TCF4: variants seen among roughly 807,000 people sequenced by gnomAD.
TCF4 encodes the protein transcription factor 4, also known as SL3-3 enhancer factor 2.
Under a neutral mutation model 82.1 loss-of-function variants are expected in TCF4, and 3 were observed. The ratio of observed to expected loss-of-function variants is 0.04; its 90% CI spans 0.02 to 0.09. TCF4 has a LOEUF of 0.09. Among genes scored for constraint, TCF4 ranks in the 10% least tolerant of loss-of-function variants. The probability of loss-of-function intolerance (pLI) is 1.00; values close to 1 mark genes in which losing one functional copy is unlikely to be tolerated. For missense variants in TCF4, 518 were observed against 852.7 expected, an observed-to-expected ratio of 0.61 and a Z score of 4.89; for synonymous variants, 276 against 309.6, an observed-to-expected ratio of 0.89 and a Z score of 1.14.
In TCF4 at chr18:55,222,988, C is replaced by T. The variant is rs1318935238; in HGVS notation, c.*5047G>A. On this transcript the variant is annotated 3_prime_UTR_variant, in exon 20 of 20. Coordinates refer to ENST00000354452, the MANE Select transcript of TCF4 (RefSeq NM_001083962.2). ...ATTAACTGTAGTTAACAATATTCAG[C>T]TTTTAACAAAGTGATACAAAATAAA... The T allele has an allele frequency of 6.6e-6, 1 of 152,526 alleles. No individual in the cohort carries two copies. The highest frequency in any genetic ancestry group is 1.5e-5 in the Non-Finnish European group (1 of 68,030). The allele number at this position is 152,526 out of a possible 1,614,324, so 9.4% of individuals were successfully genotyped here. A position where few individuals can be genotyped will look rare whatever the true frequency, so the allele number is the denominator to read the frequency against.
At chr18:55,601,617 C>G (rs1413801469) in intron 2 of TCF4, among the ~76,000 whole-genome samples, 3 of 152,044 alleles carry the variant, frequency 2.0e-5, no homozygotes, top group Non-Finnish European at 4.4e-5. Flanking sequence ...AACCCTGTCT[C>G]TACTGAAAAT....
At chr18:55,469,368 G>A (rs1165470755) in intron 3 of TCF4, among the ~76,000 whole-genome samples, 1 of 152,124 alleles carries the variant, frequency 6.6e-6, no homozygotes, top group East Asian at 1.9e-4. Flanking sequence ...GGAGGCTGAG[G>A]CAGGAGAACT....
chr18:55,459,968 A>C (rs921859689), intron 5 of TCF4, among the ~76,000 whole-genome samples: 2 of 152,180 alleles, frequency 1.3e-5, no homozygotes, highest in Non-Finnish European at 2.9e-5. Flanking sequence ...AAATATCTGA[A>C]ATCCATTTAG....
intron 6 of TCF4, among the ~76,000 whole-genome samples, chr18:55,392,856 T>G (rs1569338170): frequency 6.6e-6 from 1 of 152,222 alleles, no homozygotes; most frequent in Non-Finnish European, 1.5e-5. Context: ...CTTTTTGGAT[T>G]TTTTCTATGA....
At chr18:55,476,600 T>G (rs1200684372) in intron 3 of TCF4, among the ~76,000 whole-genome samples, 1 of 151,718 alleles carries the variant, frequency 6.6e-6, no homozygotes, top group African/African-American at 2.4e-5. Flanking sequence ...CTCACCCTCC[T>G]GAGTAGCTGG....
At chr18:55,543,907 T>C (rs777949750) in intron 3 of TCF4, among the ~76,000 whole-genome samples, 3 of 152,288 alleles carry the variant, frequency 2.0e-5, no homozygotes. Context: ...ATTTGGATTA[T>C]GTATGGAAGA....
rs1267086312 is a variant in TCF4 at position 55,257,254 on chromosome 18, C to T, written c.1146+61G>A. On this transcript the variant is annotated intron_variant, in intron 14 of 19. Coordinates refer to ENST00000354452, the MANE Select transcript of TCF4 (RefSeq NM_001083962.2). Reference sequence around the variant, plus strand: ...TCAAAATCTTGGAGAGTAAAGGAGACTGAACAAGAAAGAACATGACCTGAA... The same window carrying T: ...TCAAAATCTTGGAGAGTAAAGGAGATTGAACAAGAAAGAACATGACCTGAA... The T allele has an allele frequency of 1.9e-6, 3 of 1,541,522 alleles. No individual in the cohort carries two copies. The African/African-American group carries it at 4.1e-5, about 21-fold the overall frequency.
chr18:55,226,236 C>G lies in TCF4; in HGVS notation c.*1799G>C, dbSNP rs187063308. ...CATTTCAATGGATTTATGGCATTTA[C>G]TCAGTGCTGATAGGTGGAAAAACTA... is the stretch of plus-strand genomic sequence containing the variant. On this transcript the variant is annotated 3_prime_UTR_variant, in exon 20 of 20. Transcript: ENST00000354452. 2.6e-3 allele frequency: 402 copies of G among 152,450 alleles called. 7 individuals are homozygous for G. Among genetic ancestry groups the G allele is most frequent in the African/African-American group, 9.4e-3 (391 of 41,472 alleles). The allele number at this position is 152,450 out of a possible 1,614,324, so 9.4% of individuals were successfully genotyped here.
chr18:55,417,906 A>G (rs1394154184), intron 5 of TCF4, among the ~76,000 whole-genome samples: 2 of 152,164 alleles, frequency 1.3e-5, no homozygotes, highest in Non-Finnish European at 2.9e-5. Flanking sequence ...CCTATAATAA[A>G]AACTGAAACA....
intron 3 of TCF4, among the ~76,000 whole-genome samples, chr18:55,577,068 A>AATATATATATATATTATATATACATTT: frequency 6.8e-6 from 1 of 146,094 alleles, no homozygotes; most frequent in East Asian, 2.0e-4. Flanking sequence ...GCAGGTACTA[A>AATATATATATATATTATATATACATTT]ATATATATAT....
At chr18:55,484,044 G>A (rs1263872752) in intron 3 of TCF4, among the ~76,000 whole-genome samples, 1 of 152,148 alleles carries the variant, frequency 6.6e-6, no homozygotes, top group Non-Finnish European at 1.5e-5. Context: ...CAAGTTATTG[G>A]AAAAGCTGGG....
chr18:55,385,175 TTG>T, intron 6 of TCF4, among the ~76,000 whole-genome samples: 1 of 152,174 alleles, frequency 6.6e-6, no homozygotes, highest in Admixed American at 6.5e-5. Flanking sequence ...AGAGTCAAAT[TTG>T]TGGCTATCCA....
intron 3 of TCF4, among the ~76,000 whole-genome samples, chr18:55,522,200 G>A (rs892860723): frequency 1.3e-5 from 2 of 152,128 alleles, no homozygotes; most frequent in Middle Eastern, 3.2e-3. Context: ...TCCCTCCAGC[G>A]CCTCCTATTG....
intron 12 of TCF4, 175 bp downstream of exon 12, chr18:55,261,291 C>T (rs1380340341): frequency 2.6e-6 from 2 of 755,096 alleles, no homozygotes; most frequent in South Asian, 1.5e-5. Context: ...AGACTATATA[C>T]TGGAAGCTTC....
At chr18:55,441,544 C>T (rs1286125225) in intron 5 of TCF4, among the ~76,000 whole-genome samples, 1 of 152,100 alleles carries the variant, frequency 6.6e-6, no homozygotes, top group African/African-American at 2.4e-5. Flanking sequence ...ATTTTTGTAA[C>T]CTTTAATTAT....
intron 8 of TCF4, among the ~76,000 whole-genome samples, chr18:55,345,622 C>T (rs2081018288): frequency 6.6e-6 from 1 of 152,090 alleles, no homozygotes; most frequent in Non-Finnish European, 1.5e-5. Context: ...ATATTTTAAA[C>T]ACTTAACAAT....
At chr18:55,330,447 G>T (rs949182830) in intron 8 of TCF4, among the ~76,000 whole-genome samples, 1 of 151,698 alleles carries the variant, frequency 6.6e-6, no homozygotes, top group Non-Finnish European at 1.5e-5. Context: ...CAAAGTGCTG[G>T]GATTACAAGT....
intron 15 of TCF4, among the ~76,000 whole-genome samples, chr18:55,248,232 G>T (rs369064193): frequency 1.1e-4 from 16 of 152,234 alleles, no homozygotes; most frequent in African/African-American, 3.6e-4. Flanking sequence ...GAGATTAGGA[G>T]AGATGACAGA....
chr18:55,475,286 A>G lies in TCF4; in HGVS notation c.146-11149T>C, dbSNP rs181510008. Among the ~76,000 whole-genome samples, 76 of 152,294 alleles carry G rather than the reference A, an allele frequency of 5.0e-4. 1 individual carries two copies. The highest frequency in any genetic ancestry group is 1.7e-3 in the East Asian group (9 of 5,184). Reference sequence around the variant, plus strand: ...AATACAGGCCAGTTATTTTATGGAAATGTTTCTCAATTTGGGAGGATCAGA... The same window carrying G: ...AATACAGGCCAGTTATTTTATGGAAGTGTTTCTCAATTTGGGAGGATCAGA... On this transcript the variant is annotated intron_variant, in intron 3 of 19. Coordinates refer to ENST00000354452, the MANE Select transcript of TCF4 (RefSeq NM_001083962.2).
Sources: allele counts gnomAD v4.1 joint callset (sites outside exome capture counted in the v4.1 genomes callset), GRCh38; gene constraint gnomAD v4.1.1; transcripts MANE v1.5; gene names NCBI Gene and HGNC (gene_info 2026-07-23, HGNC 2026-07-21).